SLC27A5: variants seen among roughly 807,000 people sequenced by gnomAD.
The protein encoded by SLC27A5 is solute carrier family 27 member 5.
A neutral mutation model predicts 63.1 loss-of-function variants in SLC27A5; 47 were observed. The observed-to-expected ratio is 0.74, with a 90% confidence interval of 0.59 to 0.95. SLC27A5 has a LOEUF of 0.95. SLC27A5 is among the 40% of genes least tolerant of loss of function. The pLI is 0.00. For synonymous variants in SLC27A5, 391 were observed against 403.8 expected, an observed-to-expected ratio of 0.97 and a Z score of 0.38; for missense variants, 940 against 921.0, an observed-to-expected ratio of 1.02 and a Z score of -0.27.
intron 4 of SLC27A5, chr19:58,500,994 C>T (rs2053267931): frequency 1.6e-6 from 2 of 1,282,110 alleles, no homozygotes; most frequent in Non-Finnish European, 2.0e-6. Context: ...TTACCTAGAA[C>T]TTTAATTTAA....
intron 3 of SLC27A5, among the ~76,000 whole-genome samples, chr19:58,503,722 A>G (rs892000279): frequency 2.6e-5 from 4 of 152,202 alleles, no homozygotes; most frequent in Non-Finnish European, 5.9e-5. Flanking sequence ...CCAATTTAAC[A>G]AGAAATGCAG....
In SLC27A5 at chr19:58,511,855, C is replaced by T. The variant is rs988268172; in HGVS notation, c.101G>A (p.Arg34His). ...ACATGTGGGATCCCCCAGGAGCCAG[C>T]GCAGGGTCAAGGCCACAGCGACTGG... ...VWPVAVALTLRWLLGDPTCCV... is the reference protein window; with the variant it reads ...VWPVAVALTLHWLLGDPTCCV... The change falls in exon 1 of 10, where the codon CGC becomes CAC. Residue 34 changes from arginine to histidine, a missense_variant. Physicochemically the swap from Arg to His is conservative, Grantham distance 29 (BLOSUM62 0). Transcript: ENST00000263093. The T allele has an allele frequency of 1.3e-5, 20 of 1,558,068 alleles. No homozygotes were observed. Among genetic ancestry groups the T allele is most frequent in the East Asian group, 2.4e-5 (1 of 41,650 alleles).
chr19:58,511,504 C>A lies in SLC27A5; in HGVS notation c.452G>T (p.Arg151Leu). ...CAGGGCCCATGCCGCCTGGCAGGCC[C>A]GGGCATCCAGCTCACCAAAGGTGAC... is the stretch of plus-strand genomic sequence containing the variant. ...GSVTFGELDARACQAAWALKA... is the reference protein window; with the variant it reads ...GSVTFGELDALACQAAWALKA... Residue 151 changes from arginine (R) to leucine (L), a missense_variant, in exon 1 of 10, where the codon CGG becomes CTG. Coordinates refer to ENST00000263093, the MANE Select transcript of SLC27A5 (RefSeq NM_012254.3). 6.4e-7 allele frequency: 1 copy of A among 1,572,132 alleles called. No individual in the cohort carries two copies. The highest frequency in any genetic ancestry group is 2.4e-5 in the East Asian group (1 of 42,512).
At chr19:58,510,438 G>A (rs1600046008) in intron 2 of SLC27A5, 1 of 401,744 alleles carries the variant, frequency 2.5e-6, no homozygotes. Context: ...GCTGGGCATA[G>A]TGGTGTGTGC....
chr19:58,498,847 A>T lies in SLC27A5; in HGVS notation c.1834T>A (p.Leu612Met). Reference protein sequence around the residue: ...APGQTFDGEKLYQHVRAWLPA... With the variant: ...APGQTFDGEKMYQHVRAWLPA... Reference sequence around the variant, plus strand: ...AGCCAAGCGCGAACGTGCTGGTACAACTTCTCCCCGTCGAAAGTCTGGCCG... The same window carrying T: ...AGCCAAGCGCGAACGTGCTGGTACATCTTCTCCCCGTCGAAAGTCTGGCCG... Residue 612 changes from leucine (L) to methionine (M), a missense_variant, in exon 9 of 10, where the codon TTG becomes ATG. Physicochemically the swap from Leu to Met is conservative, Grantham distance 15 (BLOSUM62 2). Coordinates refer to ENST00000263093, the MANE Select transcript of SLC27A5 (RefSeq NM_012254.3). 6 of 1,613,982 alleles carry T rather than the reference A, an allele frequency of 3.7e-6. No homozygotes were observed. The South Asian group carries it at 6.6e-5, about 18-fold the overall frequency.
In SLC27A5 at chr19:58,511,779, C is replaced by G; in HGVS notation, c.177G>C (p.Trp59Cys). 6.4e-7 allele frequency: 1 copy of G among 1,553,648 alleles called. No individual in the cohort carries two copies. Among genetic ancestry groups the G allele is most frequent in the Non-Finnish European group, 8.7e-7 (1 of 1,148,970 alleles). Residue 59 changes from tryptophan (W) to cysteine (C), a missense_variant, in exon 1 of 10, where the codon TGG (tryptophan) becomes TGC (cysteine). By Grantham distance (215) the Trp-to-Cys change is radical. Coordinates refer to ENST00000263093, the MANE Select transcript of SLC27A5 (RefSeq NM_012254.3). Reference protein sequence around the residue: ...AMLARPWLGPWVPHGLSLAAA... With the variant: ...AMLARPWLGPCVPHGLSLAAA... ...CTGCCAGGCTCAGCCCATGGGGCAC[C>G]CAGGGGCCGAGCCAGGGCCGTGCTA...
Position 58,511,621 on chromosome 19 carries a change from G to GA in SLC27A5, c.334_335insT (p.Pro112LeufsTer3). 1 of 1,596,238 alleles carries GA rather than the reference G, an allele frequency of 6.3e-7. No homozygotes were observed. The highest frequency in any genetic ancestry group is 1.1e-5 in the South Asian group (1 of 88,886). ...GAAGGCATCTACAAAGGTGTCAGGC[G>GA]GCTGCCGGCTCAAGCATCCCCTGAT... On this transcript the variant is annotated frameshift_variant, in exon 1 of 10. Coordinates refer to ENST00000263093, the MANE Select transcript of SLC27A5 (RefSeq NM_012254.3). LOFTEE classifies it high-confidence loss of function.
intron 3 of SLC27A5, among the ~76,000 whole-genome samples, chr19:58,504,735 G>A (rs1232865779): frequency 1.3e-5 from 2 of 151,730 alleles, no homozygotes; most frequent in Non-Finnish European, 2.9e-5. Context: ...CCTGGGCGCG[G>A]TGGCTCATGC....
intron 3 of SLC27A5, among the ~76,000 whole-genome samples, chr19:58,505,697 A>C (rs1326284519): frequency 2.0e-5 from 3 of 151,366 alleles, no homozygotes; most frequent in Admixed American, 6.6e-5. Context: ...CATAAAAAAA[A>C]ATTAGCCGGT....
intron 3 of SLC27A5, among the ~76,000 whole-genome samples, chr19:58,502,348 T>C (rs2053284760): frequency 6.8e-6 from 1 of 147,820 alleles, no homozygotes; most frequent in Admixed American, 6.7e-5. Flanking sequence ...AGTGAGTGGA[T>C]GGATGGGTGG....
chr19:58,500,840 A>G (rs1568627767), intron 4 of SLC27A5, 134 bp from the exon 5 acceptor site: 1 of 1,460,234 alleles, frequency 6.8e-7, no homozygotes, highest in African/African-American at 1.4e-5. Flanking sequence ...CCTCTACCTA[A>G]GGGATCTACC....
At position 58,510,815 on chromosome 19, in the gene SLC27A5, CA is replaced by C. The variant is rs1231138995; in HGVS notation, c.803del (p.Leu268ArgfsTer48). On this transcript the variant is annotated frameshift_variant, in exon 2 of 10. Transcript: ENST00000263093. LOFTEE classifies it high-confidence loss of function. ...TPGVGALGAA[L>X]DAAPSHPVPA... ...GCACTGGGTGGGAGGGCGCTGCATC[CA>C]GGGCAGCCCCCAGAGCCCCCACCCC... The C allele has an allele frequency of 6.8e-6, 11 of 1,613,502 alleles. No homozygotes were observed. The highest frequency in any genetic ancestry group is 8.5e-6 in the Non-Finnish European group (10 of 1,179,854).
At chr19:58,510,403 G>A (rs1418496350) in intron 2 of SLC27A5, 4 of 338,242 alleles carry the variant, frequency 1.2e-5, no homozygotes, top group African/African-American at 6.4e-5. Flanking sequence ...GGGAAACCCT[G>A]TCTCTACCAA....
chr19:58,509,797 C>T (rs759443478), intron 3 of SLC27A5, 50 bp downstream of exon 3: 1 of 1,544,736 alleles, frequency 6.5e-7, no homozygotes, highest in East Asian at 2.3e-5. Context: ...CACGCCGACA[C>T]TTACTCCCGT....
Position 58,500,570 on chromosome 19 carries a change from C to T in SLC27A5, c.1319G>A (p.Gly440Asp), listed in dbSNP as rs748955618. 1.2e-6 allele frequency: 2 copies of T among 1,614,116 alleles called. No individual in the cohort carries two copies. The highest frequency in any genetic ancestry group is 3.3e-5 in the Admixed American group (2 of 60,014). The change falls in exon 5 of 10, where the codon GGC becomes GAC. Residue 440 changes from glycine (G) to aspartate (D), a missense_variant. Transcript: ENST00000263093. ...GCAGCGCCCCACATAGTTGACTAAG[C>T]CCATGTTGCCTTCTGTGGAGCCGTA... Reference protein sequence around the residue: ...EVYGSTEGNMGLVNYVGRCGA... With the variant: ...EVYGSTEGNMDLVNYVGRCGA...
intron 6 of SLC27A5, among the ~76,000 whole-genome samples, chr19:58,500,097 G>A (rs1406869183): frequency 6.6e-6 from 1 of 151,958 alleles, no homozygotes; most frequent in Non-Finnish European, 1.5e-5. Flanking sequence ...AAATCAGATG[G>A]ACACCCAGAG....
At chr19:58,499,344 G>GA (rs750121022) in intron 7 of SLC27A5, 124 bp from the exon 8 acceptor site, 5 of 1,333,502 alleles carry the variant, frequency 3.7e-6, no homozygotes, top group Non-Finnish European at 4.1e-6. Context: ...CGAAAATCGA[G>GA]AAGCCCCGCC....
At chr19:58,498,983 C>G (rs2053240851) in intron 8 of SLC27A5, 68 bp from the exon 9 acceptor site, 3 of 1,591,478 alleles carry the variant, frequency 1.9e-6, no homozygotes, top group Non-Finnish European at 2.6e-6. Context: ...TCCAGCCTCG[C>G]CCAGCTCTGC....
At chr19:58,499,316 C>A (rs1463119437) in intron 7 of SLC27A5, 96 bp from the exon 8 acceptor site, 2 of 1,385,174 alleles carry the variant, frequency 1.4e-6, no homozygotes. Flanking sequence ...TCAGGAGGCC[C>A]AGTCAGCCCC....
Sources: allele counts gnomAD v4.1 joint callset (sites outside exome capture counted in the v4.1 genomes callset), GRCh38; gene constraint gnomAD v4.1.1; transcripts MANE v1.5; gene names NCBI Gene and HGNC (gene_info 2026-07-23, HGNC 2026-07-21).